STK38L: variants seen among roughly 807,000 people sequenced by gnomAD.
STK38L encodes serine/threonine-protein kinase 38-like.
In STK38L, 28 loss-of-function variants were observed where a neutral mutation model predicts 59.7. The observed-to-expected ratio is 0.47, with a 90% CI of 0.35 to 0.64. The LOEUF is 0.64. Among genes scored for constraint, STK38L ranks in the 30% least tolerant of loss-of-function variants. The pLI is 0.01. For synonymous variants in STK38L, 162 were observed against 176.8 expected, an observed-to-expected ratio of 0.92 and a Z score of 0.66; for missense variants, 314 against 555.8, an observed-to-expected ratio of 0.56 and a Z score of 4.37.
Position 27,319,315 on chromosome 12 carries a change from T to G in STK38L, c.1080-13T>G, listed in dbSNP as rs748044210. 3.2e-6 allele frequency: 5 copies of G among 1,564,666 alleles called. No homozygotes were observed. The East Asian group carries it at 1.1e-4, about 35-fold the overall frequency. On this transcript the variant is annotated splice_polypyrimidine_tract_variant and intron_variant, in intron 11 of 13. Transcript: ENST00000389032. The stretch of plus-strand genomic sequence containing the variant: ...AACTTGTGTATGATAATTTCTCTGT[T>G]TCCATGTTGTAGATTTTGTATTGAT...
intron 9 of STK38L, among the ~76,000 whole-genome samples, chr12:27,316,669 C>A (rs1944592569): frequency 6.6e-6 from 1 of 152,138 alleles, no homozygotes; most frequent in Admixed American, 6.6e-5. Context: ...TTGTAGAAAT[C>A]ATTTTTGTAA....
chr12:27,312,626 T>C lies in STK38L; in HGVS notation c.471T>C (p.Phe157=). Reference sequence around the variant, plus strand: ...GGGTGGTGAAGATGTTTTACAGTTTTCAGGATAAGAGGAATCTTTATCTAA... The same window carrying C: ...GGGTGGTGAAGATGTTTTACAGTTTCCAGGATAAGAGGAATCTTTATCTAA... ...GAWVVKMFYS[F]QDKRNLYLIM... The change falls in exon 6 of 14, where the codon TTT becomes TTC. Residue 157 remains phenylalanine (F), a synonymous_variant. Coordinates refer to ENST00000389032, the MANE Select transcript of STK38L (RefSeq NM_015000.4). 1 of 1,614,140 alleles carries C rather than the reference T, an allele frequency of 6.2e-7. No homozygotes were observed. The highest frequency in any genetic ancestry group is 8.5e-7 in the Non-Finnish European group (1 of 1,180,012).
At chr12:27,316,995 TATAA>T (rs979395530) in intron 9 of STK38L, among the ~76,000 whole-genome samples, 34 of 152,176 alleles carry the variant, frequency 2.2e-4, no homozygotes, top group South Asian at 2.1e-4. Flanking sequence ...AGGCTATATA[TATAA>T]ATAACTTAAC....
chr12:27,258,738 A>G (rs1041762541), intron 1 of STK38L, among the ~76,000 whole-genome samples: 1 of 152,150 alleles, frequency 6.6e-6, no homozygotes, highest in Non-Finnish European at 1.5e-5. Context: ...TATTTGTTAC[A>G]GTTAATATTC....
In STK38L at chr12:27,315,288, G is replaced by A; in HGVS notation, c.776-1G>A. ...TTACAATTCCATATTGTTGAAATTA[G>A]CATTTCAGAACATGAACTCAAAGAG... On this transcript the variant is annotated splice_acceptor_variant, in intron 8 of 13. Transcript: ENST00000389032. LOFTEE classifies it high-confidence loss of function. The A allele has an allele frequency of 6.2e-7, 1 of 1,613,314 alleles. No individual in the cohort carries two copies. The highest frequency in any genetic ancestry group is 8.5e-7 in the Non-Finnish European group (1 of 1,179,522).
At chr12:27,299,399 A>G (rs1944107476) in intron 2 of STK38L, among the ~76,000 whole-genome samples, 1 of 152,236 alleles carries the variant, frequency 6.6e-6, no homozygotes, top group African/African-American at 2.4e-5. Flanking sequence ...GAGGAAAGGA[A>G]TGAAAATAGA....
intron 1 of STK38L, among the ~76,000 whole-genome samples, chr12:27,244,813 TCAAGAC>T (rs1281605703): frequency 6.6e-6 from 1 of 152,162 alleles, no homozygotes. Flanking sequence ...CAAACATTTC[TCAAGAC>T]AGACTCAGGA....
chr12:27,322,018 C>A, intron 12 of STK38L, 125 bp from the exon 13 acceptor site: 5 of 769,724 alleles, frequency 6.5e-6, no homozygotes, highest in Non-Finnish European at 8.0e-6. Flanking sequence ...ATCTCAAATC[C>A]ACAATAAATT....
intron 3 of STK38L, among the ~76,000 whole-genome samples, chr12:27,305,735 A>G (rs1944295259): frequency 6.6e-6 from 1 of 152,220 alleles, no homozygotes; most frequent in Non-Finnish European, 1.5e-5. Context: ...GAAGAAAAGC[A>G]CTTTCTAGTT....
At chr12:27,310,724 C>T (rs920931243) in intron 5 of STK38L, among the ~76,000 whole-genome samples, 1 of 152,102 alleles carries the variant, frequency 6.6e-6, no homozygotes. Context: ...ACTTGTGTTA[C>T]ATCTGTACTG....
intron 1 of STK38L, among the ~76,000 whole-genome samples, chr12:27,283,767 T>C (rs1943710212): frequency 6.6e-6 from 1 of 152,232 alleles, no homozygotes. Flanking sequence ...TTTTCCCCTC[T>C]GTTATTCACT....
At chr12:27,314,401 CAAAA>C (rs35096255) in intron 6 of STK38L, 99 bp from the exon 7 acceptor site, 1,288 of 674,644 alleles carry the variant, frequency 1.9e-3, no homozygotes, top group South Asian at 3.8e-3. Flanking sequence ...ACTCTGTCTC[CAAAA>C]AAAAAAAAAA....
chr12:27,271,014 GTGATAA>G (rs1330966893), intron 1 of STK38L, among the ~76,000 whole-genome samples: 3 of 152,276 alleles, frequency 2.0e-5, no homozygotes, highest in East Asian at 1.9e-4. Flanking sequence ...GATGATAGCA[GTGATAA>G]TGATAATGAT....
At chr12:27,271,768 C>T (rs1314475435) in intron 1 of STK38L, among the ~76,000 whole-genome samples, 1 of 152,168 alleles carries the variant, frequency 6.6e-6, no homozygotes, top group Admixed American at 6.5e-5. Flanking sequence ...GGCACGATCT[C>T]GTCTCACTGC....
chr12:27,267,105 C>G (rs1382329491), intron 1 of STK38L, among the ~76,000 whole-genome samples: 1 of 152,036 alleles, frequency 6.6e-6, no homozygotes, highest in East Asian at 1.9e-4. Context: ...AGTTACTTTC[C>G]TAGTCTGAAA....
Position 27,298,050 on chromosome 12 carries a change from G to A in STK38L, c.134+196G>A. On this transcript the variant is annotated intron_variant, in intron 2 of 13. Coordinates refer to ENST00000389032, the MANE Select transcript of STK38L (RefSeq NM_015000.4). The stretch of plus-strand genomic sequence containing the variant: ...AGTTTCCTGAGGTGCCCCAAGTCTT[G>A]TGCATCTATATACCCGTATGACATG... 1.0e-5 allele frequency: 6 copies of A among 595,968 alleles called. No homozygotes were observed. In the South Asian group the frequency reaches 1.6e-4, roughly 16 times the overall value. The allele number at this position is 595,968 out of a possible 1,614,324, so 36.9% of individuals were successfully genotyped here. A position where few individuals can be genotyped will look rare whatever the true frequency, so the allele number is the denominator to read the frequency against.
At chr12:27,255,510 A>G (rs1220631075) in intron 1 of STK38L, among the ~76,000 whole-genome samples, 2 of 152,152 alleles carry the variant, frequency 1.3e-5, no homozygotes, top group African/African-American at 4.8e-5. Context: ...GAAGTTTTTG[A>G]TTGATTTTCA....
In STK38L at chr12:27,249,004, A is replaced by C. The variant is rs1942916457; in HGVS notation, c.-12+4672A>C. On this transcript the variant is annotated intron_variant, in intron 1 of 13. Coordinates refer to ENST00000389032, the MANE Select transcript of STK38L (RefSeq NM_015000.4). ...TTATAAAAAGTTTCCAAGTTCTTCTAAGTACAGGTGGTTTGGGAAGATTGT... is the reference window on the plus strand; with the variant it reads ...TTATAAAAAGTTTCCAAGTTCTTCTCAGTACAGGTGGTTTGGGAAGATTGT... Among the ~76,000 whole-genome samples, 3 of 152,210 alleles carry C rather than the reference A, an allele frequency of 2.0e-5. No individual in the cohort carries two copies. The South Asian group carries it at 6.2e-4, about 32-fold the overall frequency.
rs1246036634 is a variant in STK38L, at chr12:27,308,351, C to T, written c.199C>T (p.Arg67Ter). The T allele has an allele frequency of 1.3e-6, 2 of 1,556,020 alleles. No homozygotes were observed. The highest frequency in any genetic ancestry group is 8.7e-7 in the Non-Finnish European group (1 of 1,153,182). Residue 67 changes from arginine to a stop codon, truncating the protein, a stop_gained, in exon 4 of 14, where the codon CGA becomes TGA. Coordinates refer to ENST00000389032, the MANE Select transcript of STK38L (RefSeq NM_015000.4). LOFTEE classifies it high-confidence loss of function. This position sits in a 1 kb window ranked among gnomAD's most constrained non-coding sequence, Gnocchi z 4.5. ...TTTTTTTTAATAGAAAAAGTTACGT[C>T]GATCACAACACGCTCGCAAAGAAAC... Reference protein sequence around the residue: ...GLADEEKKLRRSQHARKETEF... With the variant: ...GLADEEKKLR
Sources: allele counts gnomAD v4.1 joint callset (sites outside exome capture counted in the v4.1 genomes callset), GRCh38; gene constraint gnomAD v4.1.1; non-coding constraint Gnocchi (gnomAD v3.1); transcripts MANE v1.5; gene names NCBI Gene and HGNC (gene_info 2026-07-23, HGNC 2026-07-21).